Variants in LCLAT1 observed in about 807,000 individuals in gnomAD.
LCLAT1 encodes the protein 1-AGP acyltransferase 8.
LCLAT1 carries 11 observed loss-of-function variants against 30.7 expected under a neutral mutation model. That is an observed-to-expected ratio of 0.36 (90% CI 0.23 to 0.59). LCLAT1 has a LOEUF of 0.59. Among genes scored for constraint, LCLAT1 ranks in the 20% least tolerant of loss-of-function variants. The pLI, the probability that LCLAT1 is intolerant of heterozygous loss-of-function variation, is 0.77. For synonymous variants in LCLAT1, 155 were observed against 151.3 expected, an observed-to-expected ratio of 1.02 and a Z score of -0.18; for missense variants, 402 against 458.6, an observed-to-expected ratio of 0.88 and a Z score of 1.13.
intron 3 of LCLAT1, among the ~76,000 whole-genome samples, chr2:30,534,275 T>TGTGTGTGTG (rs1686131825): frequency 2.4e-5 from 2 of 81,684 alleles, no homozygotes; most frequent in African/African-American, 4.5e-5. Context: ...GTGTGTGTGT[T>TGTGTGTGTG]TGGGAGACGG....
intron 1 of LCLAT1, among the ~76,000 whole-genome samples, chr2:30,500,323 T>G (rs1013917509): frequency 1.3e-5 from 2 of 152,168 alleles, no homozygotes; most frequent in African/African-American, 4.8e-5. Context: ...ACTTCATGGT[T>G]TTTTTGACTC....
rs374728222 is a variant in LCLAT1, at chr2:30,540,989, G to A, written c.364+7675G>A. On this transcript the variant is annotated intron_variant, in intron 3 of 5. Coordinates refer to ENST00000379509, the MANE Select transcript of LCLAT1 (RefSeq NM_001002257.3). ...CATTTATTTTTTTTAAAGGTAATGA[G>A]GCTGGACATTTTTCTATTGGAATGT... is the stretch of plus-strand genomic sequence containing the variant. Among the ~76,000 whole-genome samples the A allele has an allele frequency of 5.2e-4, 79 of 152,204 alleles. 2 individuals are homozygous for A. The Middle Eastern group carries it at 0.034, about 66-fold the overall frequency.
chr2:30,601,302 TAATCTGTA>T (rs954243821), intron 5 of LCLAT1, among the ~76,000 whole-genome samples: 3 of 152,182 alleles, frequency 2.0e-5, no homozygotes, highest in African/African-American at 4.8e-5. Flanking sequence ...GGGTTTCAAA[TAATCTGTA>T]TAGTTTTGCA....
At chr2:30,609,136 A>T (rs1448990088) in intron 5 of LCLAT1, among the ~76,000 whole-genome samples, 3 of 151,036 alleles carry the variant, frequency 2.0e-5, no homozygotes, top group Admixed American at 6.6e-5. Context: ...TACTATAGTG[A>T]CTTGTTAATT....
intron 1 of LCLAT1, among the ~76,000 whole-genome samples, chr2:30,497,749 T>C (rs1266615782): frequency 6.6e-6 from 1 of 152,238 alleles, no homozygotes; most frequent in African/African-American, 2.4e-5. Flanking sequence ...TTTCTTATTA[T>C]TTTTTAATGC....
chr2:30,550,873 A>G (rs1664646570), intron 3 of LCLAT1, among the ~76,000 whole-genome samples: 2 of 152,122 alleles, frequency 1.3e-5, no homozygotes, highest in South Asian at 4.1e-4. Flanking sequence ...TTAATTAGTA[A>G]TTTAATAATA....
At position 30,569,697 on chromosome 2, in the gene LCLAT1, A is replaced by G. The variant is rs1017787214; in HGVS notation, c.628+1521A>G. On this transcript the variant is annotated intron_variant, in intron 5 of 5. Transcript: ENST00000379509. ...AAAGTATAACCTGCCAAGATGAAGC[A>G]TATTTATAACCAAGTACCCATGATT... is the stretch of plus-strand genomic sequence containing the variant. Among the ~76,000 whole-genome samples, 16 of 152,390 alleles carry G rather than the reference A, an allele frequency of 1.0e-4. 1 individual carries two copies. In the South Asian group the frequency reaches 3.1e-3, roughly 30 times the overall value.
chr2:30,525,862 T>G, intron 2 of LCLAT1, 107 bp downstream of exon 2: 1 of 888,418 alleles, frequency 1.1e-6, no homozygotes, highest in South Asian at 1.6e-5. Flanking sequence ...TTTGCACATA[T>G]CCTAGGCACA....
At chr2:30,623,211 G>A (rs1311333801) in intron 5 of LCLAT1, among the ~76,000 whole-genome samples, 5 of 151,854 alleles carry the variant, frequency 3.3e-5, no homozygotes, top group Non-Finnish European at 5.9e-5. Flanking sequence ...CTGTCACCAC[G>A]CCCAGCTAAT....
chr2:30,528,812 A>G (rs1163290536), intron 2 of LCLAT1, among the ~76,000 whole-genome samples: 2 of 152,222 alleles, frequency 1.3e-5, no homozygotes, highest in African/African-American at 2.4e-5. Context: ...TGTTTAGTTT[A>G]CTAGTTACAG....
intron 3 of LCLAT1, among the ~76,000 whole-genome samples, chr2:30,558,021 G>A (rs1044671715): frequency 9.9e-5 from 15 of 152,216 alleles, no homozygotes; most frequent in Non-Finnish European, 2.1e-4. Flanking sequence ...TCATGAACTA[G>A]TGAAAGCTAA....
intron 1 of LCLAT1, among the ~76,000 whole-genome samples, chr2:30,477,413 TAAA>T (rs1428267226): frequency 1.3e-5 from 2 of 152,274 alleles, no homozygotes; most frequent in East Asian, 1.9e-4. Flanking sequence ...ATGTGAGCCT[TAAA>T]GAAGAAAGGA....
chr2:30,642,002 T>C lies in LCLAT1; in HGVS notation c.*1383T>C, dbSNP rs1033738281. Reference sequence around the variant, plus strand: ...TTAGCTGTTAGCAAACCTGTTAGTTTTACTTCTGCATTGAACCAGCCTCAG... The same window carrying C: ...TTAGCTGTTAGCAAACCTGTTAGTTCTACTTCTGCATTGAACCAGCCTCAG... On this transcript the variant is annotated 3_prime_UTR_variant, in exon 6 of 6. Coordinates refer to ENST00000379509, the MANE Select transcript of LCLAT1 (RefSeq NM_001002257.3). 6.6e-6 allele frequency: 1 copy of C among 152,130 alleles called. No homozygotes were observed. Among genetic ancestry groups the C allele is most frequent in the Non-Finnish European group, 1.5e-5 (1 of 68,022 alleles). 9.4% of individuals were successfully genotyped at this position (152,130 alleles called of 1,614,324 possible). A position where few individuals can be genotyped will look rare whatever the true frequency, so the allele number is the denominator to read the frequency against.
At chr2:30,478,687 A>AGG (rs1553357934) in intron 1 of LCLAT1, among the ~76,000 whole-genome samples, 1,939 of 132,626 alleles carry the variant, frequency 0.015, 33 homozygotes, top group African/African-American at 0.044. Flanking sequence ...AAATAGATAG[A>AGG]TAGGTAGGTA....
chr2:30,556,232 G>T (rs940509439), intron 3 of LCLAT1, among the ~76,000 whole-genome samples: 2 of 152,150 alleles, frequency 1.3e-5, no homozygotes, highest in African/African-American at 4.8e-5. Context: ...GTATGGCTGA[G>T]TGCCAATAAA....
At chr2:30,586,100 C>G (rs956402678) in intron 5 of LCLAT1, among the ~76,000 whole-genome samples, 8 of 151,954 alleles carry the variant, frequency 5.3e-5, no homozygotes, top group Non-Finnish European at 1.2e-4. Flanking sequence ...AAAAATTAGC[C>G]AGACGTGATG....
At chr2:30,622,166 AG>A (rs1248071273) in intron 5 of LCLAT1, among the ~76,000 whole-genome samples, 3 of 152,112 alleles carry the variant, frequency 2.0e-5, no homozygotes, top group African/African-American at 7.2e-5. Flanking sequence ...TGTGTGACAC[AG>A]CAGAGGCAGC....
At chr2:30,466,702 A>G (rs1226572877) in intron 1 of LCLAT1, among the ~76,000 whole-genome samples, 4 of 148,394 alleles carry the variant, frequency 2.7e-5, no homozygotes, top group East Asian at 2.1e-4. Flanking sequence ...TTCCAATTCT[A>G]CTTAACACTG....
intron 1 of LCLAT1, among the ~76,000 whole-genome samples, chr2:30,513,892 C>T (rs1685057292): frequency 6.6e-6 from 1 of 152,240 alleles, no homozygotes; most frequent in African/African-American, 2.4e-5. Flanking sequence ...ATTGATGTCT[C>T]ATGTCTCTCT....
Sources: allele counts gnomAD v4.1 joint callset (sites outside exome capture counted in the v4.1 genomes callset), GRCh38; gene constraint gnomAD v4.1.1; transcripts MANE v1.5; gene names NCBI Gene and HGNC (gene_info 2026-07-23, HGNC 2026-07-21).